SRPX: variants seen among roughly 807,000 people sequenced by gnomAD.
SRPX encodes sushi repeat containing protein X-linked.
SRPX carries 24 observed loss-of-function variants against 38.1 expected under a neutral mutation model. That is an observed-to-expected ratio of 0.63 (90% CI 0.46 to 0.89). The LOEUF is 0.89. SRPX is among the 40% of genes least tolerant of loss of function. SRPX has a pLI of 0.00. For missense variants in SRPX, 416 were observed against 377.8 expected, an observed-to-expected ratio of 1.10 and a Z score of -0.84; for synonymous variants, 184 against 153.8, an observed-to-expected ratio of 1.20 and a Z score of -1.45.
At chrX:38,209,310 T>A (rs1045350283) in intron 1 of SRPX, among the ~76,000 whole-genome samples, 1 of 111,577 alleles carries the variant, frequency 9.0e-6, no homozygotes, top group South Asian at 3.8e-4. Flanking sequence ...GGAAGTAGAA[T>A]AACTTAGTGC....
In SRPX at chrX:38,174,230, G is replaced by A. The variant is rs753408770; in HGVS notation, c.279C>T (p.Tyr93=). 3.5e-5 allele frequency: 41 copies of A among 1,159,321 alleles called. No homozygotes were observed. Among genetic ancestry groups the A allele is most frequent in the Middle Eastern group, 5.0e-4 (2 of 3,999 alleles). Residue 93 remains tyrosine, a synonymous_variant, in exon 3 of 10, where the codon TAC becomes TAT. Transcript: ENST00000378533. ...TCAGTAGGGAAGAGCCATGCAGCTC[G>A]TAGCCCTTCTGGCAGCGAATGTCGC... ...TRCDIRCQKG[Y]ELHGSSLLIC...
rs773846325 is a variant in SRPX, at chrX:38,220,750, G to A, written c.43C>T (p.Pro15Ser). ...AHRPALLLLL[P>S]PLLLLLLLRV... ...AGCAGCAGCAGCAGCAGCAGAGGCG[G>A]CAGCAGCAGCAGCAGCGCGGGCCGA... Residue 15 changes from proline to serine, a missense_variant, in exon 1 of 10, where the codon CCG (proline) becomes TCG (serine). Transcript: ENST00000378533. 14 of 978,186 alleles carry A rather than the reference G, an allele frequency of 1.4e-5. No individual in the cohort carries two copies. The African/African-American group carries it at 1.5e-4, about 11-fold the overall frequency. 80.6% of individuals were successfully genotyped at this position (978,186 alleles called of 1,213,427 possible).
intron 4 of SRPX, among the ~76,000 whole-genome samples, chrX:38,168,897 A>G (rs1176488904): frequency 8.9e-6 from 1 of 112,332 alleles, no homozygotes; most frequent in African/African-American, 3.2e-5. Context: ...TCATGCCTGT[A>G]GCCCCAGCTA....
intron 1 of SRPX, among the ~76,000 whole-genome samples, chrX:38,187,919 CAGAGG>C (rs1938817596): frequency 1.8e-5 from 2 of 112,108 alleles, no homozygotes; most frequent in South Asian, 7.4e-4. Context: ...AAAGTTTCAA[CAGAGG>C]AGAGATGTCC....
intron 9 of SRPX, among the ~76,000 whole-genome samples, chrX:38,152,271 C>T (rs1938031585): frequency 8.9e-6 from 1 of 112,365 alleles, no homozygotes; most frequent in South Asian, 3.7e-4. Flanking sequence ...CGGCCTGACA[C>T]AGAATCCATT....
chrX:38,192,168 T>C (rs1251135255), intron 1 of SRPX, among the ~76,000 whole-genome samples: 3 of 112,200 alleles, frequency 2.7e-5, no homozygotes, highest in Non-Finnish European at 5.6e-5. Flanking sequence ...ATCAGGGCAC[T>C]GATGACAGGG....
At chrX:38,177,013 G>T (rs1351795102) in intron 2 of SRPX, among the ~76,000 whole-genome samples, 2 of 110,783 alleles carry the variant, frequency 1.8e-5, no homozygotes, top group Non-Finnish European at 3.8e-5. Flanking sequence ...CATTTGCAAT[G>T]CTGTGAGGTG....
intron 4 of SRPX, among the ~76,000 whole-genome samples, chrX:38,171,170 T>C (rs914802122): frequency 2.7e-5 from 3 of 111,531 alleles, no homozygotes; most frequent in Non-Finnish European, 5.7e-5. Context: ...TCTGCATTTT[T>C]CCCAAGGTCC....
chrX:38,166,368 C>A (rs1292167862), intron 4 of SRPX, among the ~76,000 whole-genome samples: 1 of 112,055 alleles, frequency 8.9e-6, no homozygotes, highest in Non-Finnish European at 1.9e-5. Flanking sequence ...ACTTAACAGC[C>A]TTAATGCACC....
chrX:38,163,003 A>C (rs1938294949), intron 5 of SRPX, among the ~76,000 whole-genome samples: 1 of 111,346 alleles, frequency 9.0e-6, no homozygotes, highest in South Asian at 3.7e-4. Flanking sequence ...AAAACCTACT[A>C]CGTGCTGGGG....
chrX:38,187,957 T>C (rs1938818346), intron 1 of SRPX, among the ~76,000 whole-genome samples: 1 of 112,075 alleles, frequency 8.9e-6, no homozygotes, highest in Non-Finnish European at 1.9e-5. Flanking sequence ...TAAAGGTGTA[T>C]ATGTTTGAAG....
intron 1 of SRPX, among the ~76,000 whole-genome samples, chrX:38,187,659 T>C (rs1331933905): frequency 8.9e-6 from 1 of 112,285 alleles, no homozygotes; most frequent in Non-Finnish European, 1.9e-5. Flanking sequence ...GCCGGGTCTC[T>C]TGTATTCTTG....
rs10710053 is a variant in SRPX at position 38,195,382 on chromosome X, G to GTTTTTT, written c.98-17044_98-17039dup. Among the ~76,000 whole-genome samples, 844 of 87,877 alleles carry GTTTTTT rather than the reference G, an allele frequency of 9.6e-3. 5 individuals carry two copies. The highest frequency in any genetic ancestry group is 0.015 in the Non-Finnish European group (695 of 45,614). 76.3% of individuals were successfully genotyped at this position (87,877 alleles called of 115,157 possible). On this transcript the variant is annotated intron_variant, in intron 1 of 9. Coordinates refer to ENST00000378533, the MANE Select transcript of SRPX (RefSeq NM_006307.5). Reference sequence around the variant, plus strand: ...TGGCTGGTAAGTAGAGGTGTTTGTGGTTTTTTTTTTTTTTTTTTTACCATA... The same window carrying GTTTTTT: ...TGGCTGGTAAGTAGAGGTGTTTGTGGTTTTTTTTTTTTTTTTTTTTTTTTTACCATA...
intron 7 of SRPX, among the ~76,000 whole-genome samples, chrX:38,157,566 C>T (rs909568010): frequency 3.0e-4 from 33 of 111,824 alleles, no homozygotes; most frequent in Non-Finnish European, 5.6e-4. Flanking sequence ...CTTGTGATTA[C>T]ATTGGGCCCA....
At position 38,181,837 on chromosome X, in the gene SRPX, A is replaced by G. The variant is rs1360691724; in HGVS notation, c.98-3493T>C. Among the ~76,000 whole-genome samples, 3 of 111,813 alleles carry G rather than the reference A, an allele frequency of 2.7e-5. No individual in the cohort carries two copies. In the East Asian group the frequency reaches 8.4e-4, roughly 31 times the overall value. On this transcript the variant is annotated intron_variant, in intron 1 of 9. Transcript: ENST00000378533. ...TATAGCTTTCTCTTAGTAACTGGACACTACCCTAACACAGGGCACACTGCT... is the reference window on the plus strand; with the variant it reads ...TATAGCTTTCTCTTAGTAACTGGACGCTACCCTAACACAGGGCACACTGCT...
chrX:38,178,231 G>T, intron 2 of SRPX, 54 bp downstream of exon 2: 2 of 1,035,047 alleles, frequency 1.9e-6, no homozygotes, highest in Non-Finnish European at 2.7e-6. Context: ...AGGCAAAAAG[G>T]AAAGTTCTCC....
chrX:38,151,969 T>C (rs5964306), intron 9 of SRPX, among the ~76,000 whole-genome samples: 2,373 of 110,928 alleles, frequency 0.021, 83 homozygotes, highest in African/African-American at 0.074. Context: ...AGAAAGAAGG[T>C]AGGCGGTGAC....
intron 1 of SRPX, among the ~76,000 whole-genome samples, chrX:38,188,575 C>A (rs753753095): frequency 8.9e-6 from 1 of 111,852 alleles, no homozygotes; most frequent in Non-Finnish European, 1.9e-5. Context: ...ATAGCACAGT[C>A]CCATTTTATG....
chrX:38,190,397 C>T (rs192982511), intron 1 of SRPX, among the ~76,000 whole-genome samples: 7 of 111,851 alleles, frequency 6.3e-5, no homozygotes, highest in East Asian at 2.8e-4. Context: ...AAACATTCTC[C>T]GGTTCCCCAA....
Sources: gnomAD v4.1 joint callset for allele counts (sites outside exome capture counted in the v4.1 genomes callset) on GRCh38, gnomAD v4.1.1 for gene constraint, MANE v1.5 for transcripts, NCBI Gene and HGNC (gene_info 2026-07-23, HGNC 2026-07-21) for gene names.